The following RBMS3 variants were observed in gnomAD, a reference collection of about 807,000 sequenced individuals.
RBMS3 encodes RNA binding motif single stranded interacting protein 3, also known as RNA-binding motif, single-stranded-interacting protein 3.
In RBMS3, 27 loss-of-function variants were observed where a neutral mutation model predicts 66.8. The observed-to-expected ratio is 0.40, with a 90% confidence interval of 0.30 to 0.56. RBMS3 has a LOEUF of 0.56. Among genes scored for constraint, RBMS3 ranks in the 20% least tolerant of loss-of-function variants. The probability of loss-of-function intolerance (pLI) is 0.40; values close to 1 mark genes in which losing one functional copy is unlikely to be tolerated. For synonymous variants in RBMS3, 188 were observed against 183.0 expected, an observed-to-expected ratio of 1.03 and a Z score of -0.22; for missense variants, 513 against 549.5, an observed-to-expected ratio of 0.93 and a Z score of 0.66.
chr3:29,796,729 T>TTTTTTTTTTTTTG (rs2057207795), intron 6 of RBMS3, among the ~76,000 whole-genome samples: 1 of 149,438 alleles, frequency 6.7e-6, no homozygotes, highest in Non-Finnish European at 1.5e-5. Context: ...TTTTTTTTTT[T>TTTTTTTTTTTTTG]GGAGATGGAG....
intron 4 of RBMS3, among the ~76,000 whole-genome samples, chr3:29,647,327 G>T (rs1260523076): frequency 6.6e-6 from 1 of 152,110 alleles, no homozygotes; most frequent in Non-Finnish European, 1.5e-5. Context: ...AGGGAGATTG[G>T]TGGCCCTTGC....
At chr3:29,291,008 G>A (rs1434159841) in intron 1 of RBMS3, among the ~76,000 whole-genome samples, 1 of 151,808 alleles carries the variant, frequency 6.6e-6, no homozygotes, top group African/African-American at 2.4e-5. Flanking sequence ...CTGTGAATTT[G>A]GAGACATCTT....
In RBMS3 at chr3:29,968,960, G is replaced by T. The variant is rs146480218; in HGVS notation, c.1099-19183G>T. Among the ~76,000 whole-genome samples, 39 of 152,238 alleles carry T rather than the reference G, an allele frequency of 2.6e-4. No homozygotes were observed. The East Asian group carries it at 7.5e-3, about 29-fold the overall frequency. The stretch of plus-strand genomic sequence containing the variant: ...TGTAAGACAGACGCAGAGTGATGGT[G>T]GTCATTCTCCATATAGCTGTCCTAA... On this transcript the variant is annotated intron_variant, in intron 12 of 14. Transcript: ENST00000383767.
chr3:29,980,028 T>A (rs1281060160), intron 12 of RBMS3, among the ~76,000 whole-genome samples: 1 of 152,236 alleles, frequency 6.6e-6, no homozygotes, highest in East Asian at 1.9e-4. Context: ...TCCGCAATGG[T>A]AGAACTAATT....
At chr3:29,487,042 A>T (rs746236193) in intron 2 of RBMS3, among the ~76,000 whole-genome samples, 3 of 152,136 alleles carry the variant, frequency 2.0e-5, no homozygotes, top group African/African-American at 4.8e-5. Context: ...GATACATATA[A>T]TTTTGCAAAT....
chr3:29,946,573 CATTT>C (rs1313507258), intron 12 of RBMS3, among the ~76,000 whole-genome samples: 2 of 151,518 alleles, frequency 1.3e-5, no homozygotes, highest in Non-Finnish European at 3.0e-5. Context: ...TTAATAGCAA[CATTT>C]ATTTGTGTTG....
intron 3 of RBMS3, among the ~76,000 whole-genome samples, chr3:29,535,850 A>G (rs1003061752): frequency 2.1e-5 from 3 of 145,332 alleles, no homozygotes; most frequent in Non-Finnish European, 4.5e-5. Flanking sequence ...CAAGTGTTTT[A>G]TTAGAGTTAT....
chr3:29,744,602 C>T (rs56050043), intron 5 of RBMS3, among the ~76,000 whole-genome samples: 3,949 of 151,986 alleles, frequency 0.026, 166 homozygotes, highest in African/African-American at 0.09. Context: ...GCCAACATAG[C>T]GAAACCTCAT....
rs189478606 is a variant in RBMS3 at position 29,730,764 on chromosome 3, T to C, written c.400-8956T>C. 2,354 of 664,164 alleles carry C rather than the reference T, an allele frequency of 3.5e-3. 5 individuals are homozygous for C. The highest frequency in any genetic ancestry group is 8.3e-3 in the Middle Eastern group (11 of 1,320). 41.1% of individuals were successfully genotyped at this position (664,164 alleles called of 1,614,324 possible). On this transcript the variant is annotated intron_variant, in intron 4 of 14. Transcript: ENST00000383767. ...AGTTCTCTATAGTTTTGTTTCCTGT[T>C]CTCATTTTTGACCATCAGGACCACG...
chr3:29,450,254 TA>T (rs1241589226), intron 2 of RBMS3, among the ~76,000 whole-genome samples: 1 of 152,138 alleles, frequency 6.6e-6, no homozygotes, highest in Non-Finnish European at 1.5e-5. Flanking sequence ...TGACCACTGG[TA>T]TAGTGGCTGG....
chr3:29,921,408 T>C (rs2060775446), intron 10 of RBMS3, among the ~76,000 whole-genome samples: 2 of 148,046 alleles, frequency 1.4e-5, no homozygotes, highest in African/African-American at 2.5e-5. Context: ...ATAGTCAGAA[T>C]AGCCACTCAG....
At chr3:29,673,463 G>GT (rs1474286974) in intron 4 of RBMS3, among the ~76,000 whole-genome samples, 2,321 of 134,102 alleles carry the variant, frequency 0.017, 53 homozygotes, top group African/African-American at 0.064. Flanking sequence ...CCAGGAGCTG[G>GT]TTTTTTTTTT....
rs537893659 is a variant in RBMS3, at chr3:29,587,227, GTTTTTTTTTTTTT to G, written c.399+32_399+44del. Reference sequence around the variant, plus strand: ...TAAGGTAAGATTGATGTTTAGGGGTGTTTTTTTTTTTTTTTTTTTTTTGTGTGTGTGTGTGTGT... The same window carrying G: ...TAAGGTAAGATTGATGTTTAGGGGTGTTTTTTTTTGTGTGTGTGTGTGTGT... On this transcript the variant is annotated intron_variant, in intron 4 of 14. Transcript: ENST00000383767. 1.8e-4 allele frequency: 38 copies of G among 213,454 alleles called. 4 individuals carry two copies. In the African/African-American group the frequency reaches 3.2e-3, roughly 18 times the overall value. The allele number at this position is 213,454 out of a possible 1,614,324, so 13.2% of individuals were successfully genotyped here.
At chr3:29,876,217 T>C (rs1035989921) in intron 7 of RBMS3, among the ~76,000 whole-genome samples, 2 of 152,164 alleles carry the variant, frequency 1.3e-5, no homozygotes, top group Non-Finnish European at 2.9e-5. Context: ...CTGCCTGTAA[T>C]TTGGTTTGAG....
intron 12 of RBMS3, among the ~76,000 whole-genome samples, chr3:29,946,798 A>G (rs961696322): frequency 2.0e-5 from 3 of 151,628 alleles, no homozygotes; most frequent in Non-Finnish European, 3.0e-5. Flanking sequence ...AATCCATAGA[A>G]TTTTGAGGGG....
intron 10 of RBMS3, among the ~76,000 whole-genome samples, chr3:29,911,046 A>T (rs2060501808): frequency 6.6e-6 from 1 of 152,088 alleles, no homozygotes; most frequent in Admixed American, 6.6e-5. Context: ...TATGGTTAAC[A>T]GTTAAGGTAT....
chr3:29,388,667 C>T (rs1000427964), intron 1 of RBMS3, among the ~76,000 whole-genome samples: 8 of 152,146 alleles, frequency 5.3e-5, no homozygotes, highest in East Asian at 1.9e-4. Context: ...CTCTGCCTCA[C>T]GCCATTCTCC....
At chr3:29,758,737 A>G (rs145736820) in intron 5 of RBMS3, among the ~76,000 whole-genome samples, 215 of 152,330 alleles carry the variant, frequency 1.4e-3, no homozygotes, top group African/African-American at 4.9e-3. Context: ...ACAATGGATT[A>G]AGAAGGAAAT....
At chr3:29,895,160 G>A (rs2060097213) in intron 8 of RBMS3, among the ~76,000 whole-genome samples, 1 of 151,488 alleles carries the variant, frequency 6.6e-6, no homozygotes, top group Non-Finnish European at 1.5e-5. Flanking sequence ...GAAACTCAAA[G>A]GGGTATTTTA....
Sources: gnomAD v4.1 joint callset for allele counts (sites outside exome capture counted in the v4.1 genomes callset) on GRCh38, gnomAD v4.1.1 for gene constraint, MANE v1.5 for transcripts, NCBI Gene and HGNC (gene_info 2026-07-23, HGNC 2026-07-21) for gene names.